The following CEMIP variants were observed in gnomAD, a reference collection of about 807,000 sequenced individuals.
CEMIP encodes cell migration-inducing and hyaluronan-binding protein.
In CEMIP, 105 loss-of-function variants were observed where a neutral mutation model predicts 156.9. The observed-to-expected ratio is 0.67, with a 90% confidence interval of 0.57 to 0.79. The LOEUF is 0.79. Ranked by LOEUF, CEMIP falls within the 30% of genes least tolerant of loss-of-function variation. The pLI is 0.00. For synonymous variants in CEMIP, 676 were observed against 668.4 expected, an observed-to-expected ratio of 1.01 and a Z score of -0.17; for missense variants, 1,457 against 1,769.4, an observed-to-expected ratio of 0.82 and a Z score of 3.17.
At chr15:80,911,832 G>C (rs970885158) in intron 14 of CEMIP, among the ~76,000 whole-genome samples, 43 of 152,262 alleles carry the variant, frequency 2.8e-4, no homozygotes, top group African/African-American at 1.0e-3. Flanking sequence ...CAGGGGCATA[G>C]GCCTTGGGCA....
chr15:80,931,842 C>T lies in CEMIP; in HGVS notation c.2613-17C>T. On this transcript the variant is annotated splice_polypyrimidine_tract_variant and intron_variant, in intron 21 of 29. Transcript: ENST00000394685. Reference sequence around the variant, plus strand: ...GGAAAACATTTAGACTGACATCTTACTTCCTTAACTCCGTAGGAATTTTCC... The same window carrying T: ...GGAAAACATTTAGACTGACATCTTATTTCCTTAACTCCGTAGGAATTTTCC... The T allele has an allele frequency of 6.2e-7, 1 of 1,612,028 alleles. No individual in the cohort carries two copies. The highest frequency in any genetic ancestry group is 8.5e-7 in the Non-Finnish European group (1 of 1,178,134).
At chr15:80,812,767 G>A (rs527860987) in intron 1 of CEMIP, among the ~76,000 whole-genome samples, 38 of 152,238 alleles carry the variant, frequency 2.5e-4, no homozygotes, top group Admixed American at 1.4e-3. Context: ...CAGCAGGAAA[G>A]CAAATCATTA....
chr15:80,906,154 G>A lies in CEMIP; in HGVS notation c.1412-509G>A, dbSNP rs992354222. Among the ~76,000 whole-genome samples, 3 of 152,170 alleles carry A rather than the reference G, an allele frequency of 2.0e-5. No individual in the cohort carries two copies. Among genetic ancestry groups the A allele is most frequent in the Admixed American group, 6.5e-5 (1 of 15,280 alleles). ...TATCTTCCTAAGATCGGCAATCTAC[G>A]GTATCATCCAGAGACCAGGTTTCTT... is the stretch of plus-strand genomic sequence containing the variant. On this transcript the variant is annotated intron_variant, in intron 12 of 29. Coordinates refer to ENST00000394685, the MANE Select transcript of CEMIP (RefSeq NM_001293298.2). The surrounding 1 kb of genome is among the most constrained non-coding windows in gnomAD (Gnocchi z 4.3).
intron 14 of CEMIP, among the ~76,000 whole-genome samples, chr15:80,912,644 G>A (rs575279830): frequency 6.6e-6 from 1 of 152,180 alleles, no homozygotes; most frequent in Non-Finnish European, 1.5e-5. Context: ...GCACATTCCA[G>A]TGCCCTTCCC....
chr15:80,927,901 C>T (rs777140917), intron 19 of CEMIP, among the ~76,000 whole-genome samples: 1 of 151,888 alleles, frequency 6.6e-6, no homozygotes, highest in Non-Finnish European at 1.5e-5. Context: ...AAATGGGCTT[C>T]GGAAAAAGAA....
intron 28 of CEMIP, chr15:80,946,573 G>T: frequency 1.4e-5 from 3 of 220,824 alleles, no homozygotes; most frequent in South Asian, 1.5e-4. Context: ...TTTCTATCTG[G>T]TCTTACCTAA....
intron 17 of CEMIP, among the ~76,000 whole-genome samples, chr15:80,923,013 G>A (rs1900531218): frequency 6.6e-6 from 1 of 152,156 alleles, no homozygotes; most frequent in African/African-American, 2.4e-5. Flanking sequence ...CAATACATTC[G>A]GAGGCAAAAA....
chr15:80,869,432 A>G (rs1898216893), intron 1 of CEMIP, among the ~76,000 whole-genome samples: 1 of 152,230 alleles, frequency 6.6e-6, no homozygotes, highest in African/African-American at 2.4e-5. Context: ...ACCTCTCAAC[A>G]GGAGAAAAAC....
chr15:80,883,035 A>G (rs1898717540), intron 6 of CEMIP, among the ~76,000 whole-genome samples: 2 of 152,192 alleles, frequency 1.3e-5, no homozygotes, highest in Admixed American at 6.5e-5. Context: ...GATTGTGCCA[A>G]CAGTTGGAAA....
chr15:80,938,019 C>T (rs1901199976), intron 25 of CEMIP, 40 bp downstream of exon 25: 1 of 1,544,912 alleles, frequency 6.5e-7, no homozygotes, highest in South Asian at 1.1e-5. Context: ...AGTGGCTCAA[C>T]CTCATCTTGT....
At chr15:80,784,698 G>C (rs1180190208) in intron 1 of CEMIP, among the ~76,000 whole-genome samples, 1 of 152,180 alleles carries the variant, frequency 6.6e-6, no homozygotes. Context: ...GTGCTTCTTA[G>C]ACTTAAAATA....
At chr15:80,866,632 T>TAAATAAATAAAA (rs1460951794) in intron 1 of CEMIP, among the ~76,000 whole-genome samples, 2 of 112,402 alleles carry the variant, frequency 1.8e-5, no homozygotes. Flanking sequence ...AATAAATAAA[T>TAAATAAATAAAA]AAAATAAGCC....
At chr15:80,835,863 C>A (rs886803360) in intron 1 of CEMIP, among the ~76,000 whole-genome samples, 4 of 152,116 alleles carry the variant, frequency 2.6e-5, no homozygotes, top group Non-Finnish European at 5.9e-5. Flanking sequence ...TTTGCCCCAA[C>A]TTGAACCATG....
rs1476880902 is a variant in CEMIP at position 80,949,899 on chromosome 15, GC to G, written c.*977del. 1 of 152,294 alleles carries G rather than the reference GC, an allele frequency of 6.6e-6. No individual in the cohort carries two copies. Among genetic ancestry groups the G allele is most frequent in the Non-Finnish European group, 1.5e-5 (1 of 68,104 alleles). 9.4% of individuals were successfully genotyped at this position (152,294 alleles called of 1,614,324 possible). ...ATGGCTCAGGGATTCAGCCCTCCCT[GC>G]CGCTGCCTGCTGAAGCTGGTGACTA... is the stretch of plus-strand genomic sequence containing the variant. On this transcript the variant is annotated 3_prime_UTR_variant, in exon 30 of 30. Transcript: ENST00000394685.
intron 1 of CEMIP, among the ~76,000 whole-genome samples, chr15:80,807,645 G>A (rs1896546650): frequency 6.6e-6 from 1 of 152,222 alleles, no homozygotes; most frequent in Non-Finnish European, 1.5e-5. Context: ...GTCAGTGGGA[G>A]CCACTGGATC....
At position 80,878,768 on chromosome 15, in the gene CEMIP, C is replaced by T. The variant is rs1898550630; in HGVS notation, c.142C>T (p.Pro48Ser). ...DQSPELQPWNPGHDQDHHVHI... is the reference protein window; with the variant it reads ...DQSPELQPWNSGHDQDHHVHI... ...GAGCCCTGAGTTGCAACCCTGGAACCCTGGCCATGACCAAGACCACCATGT... is the reference window on the plus strand; with the variant it reads ...GAGCCCTGAGTTGCAACCCTGGAACTCTGGCCATGACCAAGACCACCATGT... Residue 48 changes from proline to serine, a missense_variant, in exon 4 of 30, where the codon CCT becomes TCT. This residue lies in a region of CEMIP where 309 missense variants were observed against 340.8 expected (regional missense o/e 0.91). Transcript: ENST00000394685. The T allele has an allele frequency of 6.2e-7, 1 of 1,614,148 alleles. No individual in the cohort carries two copies. Among genetic ancestry groups the T allele is most frequent in the African/African-American group, 1.3e-5 (1 of 75,030 alleles).
intron 28 of CEMIP, 68 bp downstream of exon 28, chr15:80,943,170 C>T: frequency 6.5e-7 from 1 of 1,544,274 alleles, no homozygotes; most frequent in Non-Finnish European, 9.0e-7. Flanking sequence ...GGGCCCCCTC[C>T]CTCTCACAAA....
intron 14 of CEMIP, among the ~76,000 whole-genome samples, chr15:80,912,315 G>C (rs554736766): frequency 1.3e-5 from 2 of 152,234 alleles, no homozygotes; most frequent in Non-Finnish European, 2.9e-5. Flanking sequence ...CAGAGCTGTG[G>C]ACAACCTCTC....
intron 14 of CEMIP, among the ~76,000 whole-genome samples, chr15:80,910,401 G>A (rs1277456349): frequency 6.6e-6 from 1 of 152,214 alleles, no homozygotes; most frequent in Non-Finnish European, 1.5e-5. Context: ...TTGCCTGCTG[G>A]TCCCTGTGGG....
Sources: gnomAD v4.1 joint callset for allele counts (sites outside exome capture counted in the v4.1 genomes callset) on GRCh38, gnomAD v4.1.1 for gene constraint, gnomAD v4.1.1 regional missense constraint, Gnocchi (gnomAD v3.1) non-coding constraint, MANE v1.5 for transcripts, NCBI Gene and HGNC (gene_info 2026-07-23, HGNC 2026-07-21) for gene names.